TMEM131L: variants seen among roughly 807,000 people sequenced by gnomAD.
The protein encoded by TMEM131L is transmembrane protein 131-like.
Under a neutral mutation model 192.2 loss-of-function variants are expected in TMEM131L, and 54 were observed. That is an observed-to-expected ratio of 0.28 (90% CI 0.23 to 0.35). The LOEUF (loss-of-function observed/expected upper bound fraction) is 0.35. Among genes scored for constraint, TMEM131L ranks in the 10% least tolerant of loss-of-function variants. TMEM131L has a pLI of 1.00. For synonymous variants in TMEM131L, 701 were observed against 704.9 expected (o/e 0.99, Z 0.09); for missense variants, 1,888 against 1,972.9 (o/e 0.96, Z 0.82).
chr4:153,583,728 G>T (rs1467240475), intron 11 of TMEM131L, 56 bp downstream of exon 11: 7 of 1,002,706 alleles, frequency 7.0e-6, no homozygotes, highest in South Asian at 4.2e-5. Context: ...TGTCATGATG[G>T]CAACTCTTTC....
intron 29 of TMEM131L, among the ~76,000 whole-genome samples, chr4:153,623,318 A>G (rs1273664098): frequency 6.6e-6 from 1 of 152,078 alleles, no homozygotes; most frequent in African/African-American, 2.4e-5. Context: ...GAAATAGTTC[A>G]GAGAGCTTCT....
intron 3 of TMEM131L, among the ~76,000 whole-genome samples, chr4:153,495,073 TGGGAG>T (rs1312990101): frequency 6.6e-6 from 1 of 152,178 alleles, no homozygotes; most frequent in African/African-American, 2.4e-5. Context: ...CCCAGCACAT[TGGGAG>T]GCCGAGGCGG....
chr4:153,504,256 C>A (rs147708269), intron 3 of TMEM131L, among the ~76,000 whole-genome samples: 1 of 139,968 alleles, frequency 7.1e-6, no homozygotes, highest in Admixed American at 7.9e-5. Flanking sequence ...CGTGAGCCAC[C>A]GCGGTCGGCC....
chr4:153,517,463 A>C (rs1231446462), intron 3 of TMEM131L, among the ~76,000 whole-genome samples: 1 of 151,368 alleles, frequency 6.6e-6, no homozygotes, highest in Admixed American at 6.7e-5. Context: ...AGTAATATAT[A>C]GTGTGTATTT....
intron 15 of TMEM131L, among the ~76,000 whole-genome samples, chr4:153,588,257 TG>T (rs1730831162): frequency 6.6e-6 from 1 of 151,262 alleles, no homozygotes; most frequent in East Asian, 1.9e-4. Flanking sequence ...ATGTACAAGC[TG>T]TTTCTTGTTT....
chr4:153,634,108 C>T, intron 32 of TMEM131L, 84 bp from the exon 33 acceptor site: 1 of 1,133,192 alleles, frequency 8.8e-7, no homozygotes, highest in Non-Finnish European at 1.3e-6. Flanking sequence ...GATTAGGATG[C>T]TAGGCAGTAA....
intron 3 of TMEM131L, among the ~76,000 whole-genome samples, chr4:153,537,269 A>C (rs2150300204): frequency 6.6e-6 from 1 of 152,302 alleles, no homozygotes; most frequent in East Asian, 1.9e-4. Context: ...ATTGTTCCTG[A>C]TTGGGACCCA....
At chr4:153,473,448 T>C (rs1338220586) in intron 2 of TMEM131L, among the ~76,000 whole-genome samples, 1 of 152,044 alleles carries the variant, frequency 6.6e-6, no homozygotes, top group East Asian at 1.9e-4. Context: ...AGTGGGTAGG[T>C]CTTTCTGGTA....
At chr4:153,564,270 C>CAA (rs112972398) in intron 7 of TMEM131L, among the ~76,000 whole-genome samples, 10,158 of 124,552 alleles carry the variant, frequency 0.082, 1,221 homozygotes, top group African/African-American at 0.27. Context: ...GCCTGGGAGA[C>CAA]GAGCAAAACT....
intron 28 of TMEM131L, among the ~76,000 whole-genome samples, chr4:153,622,684 T>G (rs1733519331): frequency 6.6e-6 from 1 of 152,226 alleles, no homozygotes; most frequent in South Asian, 2.1e-4. Context: ...TAGCCCCTAA[T>G]TGCTCCTGCC....
intron 12 of TMEM131L, 21 bp from the exon 13 acceptor site, chr4:153,585,437 A>C (rs773104706): frequency 2.5e-6 from 4 of 1,612,600 alleles, no homozygotes; most frequent in African/African-American, 1.3e-5. Context: ...GCCTGATAGC[A>C]TGCATGTCGT....
intron 7 of TMEM131L, among the ~76,000 whole-genome samples, chr4:153,578,887 A>G (rs1473567453): frequency 6.0e-5 from 9 of 150,790 alleles, no homozygotes; most frequent in Middle Eastern, 3.4e-3. Context: ...CCAACTGCTG[A>G]CCTCAGATGA....
In TMEM131L at chr4:153,617,222, T is replaced by C. The variant is rs1733036567; in HGVS notation, c.3568-3534T>C. On this transcript the variant is annotated intron_variant, in intron 26 of 34. Coordinates refer to ENST00000409959, the MANE Select transcript of TMEM131L (RefSeq NM_001131007.2). ...AGCTCCCTTCTCTTGTCTGCTGCCA[T>C]GTGAGACCTGCCTTTCACCTTCTGC... Among the ~76,000 whole-genome samples, 3 of 152,204 alleles carry C rather than the reference T, an allele frequency of 2.0e-5. No individual in the cohort carries two copies. In the South Asian group the frequency reaches 6.2e-4, roughly 32 times the overall value.
At chr4:153,579,685 G>C (rs1011409525) in intron 7 of TMEM131L, among the ~76,000 whole-genome samples, 2 of 152,010 alleles carry the variant, frequency 1.3e-5, no homozygotes, top group Non-Finnish European at 2.9e-5. Flanking sequence ...ATGTCTCCTA[G>C]CTGGTCTGCA....
chr4:153,610,993 T>C (rs1369380354), intron 25 of TMEM131L, among the ~76,000 whole-genome samples: 1 of 152,246 alleles, frequency 6.6e-6, no homozygotes, highest in East Asian at 1.9e-4. Flanking sequence ...GGCCAGTTAT[T>C]GTGGGGTTGA....
chr4:153,509,634 G>A (rs1391159219), intron 3 of TMEM131L, among the ~76,000 whole-genome samples: 1 of 152,164 alleles, frequency 6.6e-6, no homozygotes, highest in Non-Finnish European at 1.5e-5. Flanking sequence ...GAGGAGGAAC[G>A]AGAATTGCTT....
chr4:153,548,227 C>T (rs1004607310), intron 3 of TMEM131L, among the ~76,000 whole-genome samples: 29 of 152,308 alleles, frequency 1.9e-4, no homozygotes, highest in Admixed American at 6.5e-5. Flanking sequence ...CTTCTCCGAC[C>T]GTGTTCAAAA....
At position 153,557,010 on chromosome 4, in the gene TMEM131L, A is replaced by G. The variant is rs1728510566; in HGVS notation, c.477A>G (p.Leu159=). Reference sequence around the variant, plus strand: ...AAACTTCCTTCAGAATTATTTTCTTACCTACTGAAGAAGGAAGCATTGAAA... The same window carrying G: ...AAACTTCCTTCAGAATTATTTTCTTGCCTACTGAAGAAGGAAGCATTGAAA... ...MGKTSFRIIF[L]PTEEGSIESS... The change falls in exon 6 of 35, where the codon TTA becomes TTG. Residue 159 remains leucine (L), a synonymous_variant. Transcript: ENST00000409959. The G allele has an allele frequency of 6.2e-7, 1 of 1,603,096 alleles. No homozygotes were observed. The highest frequency in any genetic ancestry group is 8.5e-7 in the Non-Finnish European group (1 of 1,171,000).
chr4:153,587,624 G>A (rs1290785395), intron 14 of TMEM131L, 118 bp from the exon 15 acceptor site: 20 of 758,326 alleles, frequency 2.6e-5, no homozygotes, highest in South Asian at 4.5e-5. Context: ...TTTTTGGCTC[G>A]TGGTTAAAGG....
Sources: gnomAD v4.1 joint callset for allele counts (sites outside exome capture counted in the v4.1 genomes callset) on GRCh38, gnomAD v4.1.1 for gene constraint, MANE v1.5 for transcripts, NCBI Gene and HGNC (gene_info 2026-07-23, HGNC 2026-07-21) for gene names.